PCDH9: variants seen among roughly 807,000 people sequenced by gnomAD.
The protein encoded by PCDH9 is protocadherin-9.
PCDH9 carries 24 observed loss-of-function variants against 70.6 expected under a neutral mutation model. The observed-to-expected ratio is 0.34, with a 90% CI of 0.25 to 0.48. The LOEUF is 0.48. Ranked by LOEUF, PCDH9 falls within the 20% of genes least tolerant of loss-of-function variation. The pLI is 0.99. For missense variants in PCDH9, 1,281 were observed against 1,503.6 expected, an observed-to-expected ratio of 0.85 and a Z score of 2.45; for synonymous variants, 562 against 558.5, an observed-to-expected ratio of 1.01 and a Z score of -0.09.
intron 2 of PCDH9, among the ~76,000 whole-genome samples, chr13:67,184,686 G>A (rs952721866): frequency 1.3e-5 from 2 of 152,112 alleles, no homozygotes; most frequent in Admixed American, 6.5e-5. Context: ...AGCTGAGATC[G>A]CACCACTGCA....
At chr13:67,198,550 G>A (rs1299800260) in intron 2 of PCDH9, among the ~76,000 whole-genome samples, 1 of 151,762 alleles carries the variant, frequency 6.6e-6, no homozygotes, top group African/African-American at 2.4e-5. Context: ...GCTAAGTGTG[G>A]CATGTGAAAC....
chr13:67,103,728 T>C (rs913069909), intron 2 of PCDH9, among the ~76,000 whole-genome samples: 11 of 152,224 alleles, frequency 7.2e-5, no homozygotes, highest in East Asian at 1.9e-4. Flanking sequence ...ACTTAGCTTG[T>C]ACTCACAGAA....
chr13:66,945,587 A>G (rs973637937), intron 2 of PCDH9, among the ~76,000 whole-genome samples: 1 of 152,198 alleles, frequency 6.6e-6, no homozygotes, highest in Non-Finnish European at 1.5e-5. Flanking sequence ...ATAAAATGTA[A>G]CCATGTTCTA....
chr13:67,110,607 G>C (rs2086641030), intron 2 of PCDH9, among the ~76,000 whole-genome samples: 2 of 151,336 alleles, frequency 1.3e-5, no homozygotes, highest in South Asian at 4.2e-4. Context: ...AATGGTGGAT[G>C]ATTATCAAAG....
chr13:66,672,841 A>G (rs966721156), intron 3 of PCDH9, among the ~76,000 whole-genome samples: 2 of 151,890 alleles, frequency 1.3e-5, no homozygotes, highest in African/African-American at 2.4e-5. Context: ...ATTTTGGCCA[A>G]TCTCTCCCAT....
intron 2 of PCDH9, among the ~76,000 whole-genome samples, chr13:67,167,654 C>T (rs750533631): frequency 5.9e-5 from 9 of 152,046 alleles, no homozygotes; most frequent in African/African-American, 9.7e-5. Flanking sequence ...GGACTGAGGC[C>T]CAGTGTCAGC....
intron 2 of PCDH9, among the ~76,000 whole-genome samples, chr13:67,085,629 G>C (rs1234864775): frequency 1.3e-5 from 2 of 152,182 alleles, no homozygotes; most frequent in Non-Finnish European, 2.9e-5. Flanking sequence ...TTCTCAAACA[G>C]AGAGAGACAA....
chr13:66,524,923 G>A (rs1309748052), intron 4 of PCDH9, among the ~76,000 whole-genome samples: 1 of 151,924 alleles, frequency 6.6e-6, no homozygotes, highest in African/African-American at 2.4e-5. Context: ...AATATATCTT[G>A]CAACTTTCCA....
At chr13:67,057,863 C>T (rs1337367390) in intron 2 of PCDH9, among the ~76,000 whole-genome samples, 10 of 152,056 alleles carry the variant, frequency 6.6e-5, no homozygotes, top group Admixed American at 5.9e-4. Context: ...GGTGTTCTTC[C>T]TTTCCTTTTT....
At chr13:66,342,006 C>A (rs1956135162) in intron 4 of PCDH9, among the ~76,000 whole-genome samples, 1 of 152,180 alleles carries the variant, frequency 6.6e-6, no homozygotes. Context: ...AGTCTTGCCT[C>A]TTCTGCTGTG....
At chr13:66,643,388 C>G (rs1009966602) in intron 3 of PCDH9, among the ~76,000 whole-genome samples, 1 of 151,932 alleles carries the variant, frequency 6.6e-6, no homozygotes, top group Non-Finnish European at 1.5e-5. Context: ...GTCGAAGTAG[C>G]TGGACTTCAT....
intron 2 of PCDH9, among the ~76,000 whole-genome samples, chr13:66,989,650 AACTAACG>A (rs1050177629): frequency 1.3e-5 from 2 of 151,876 alleles, no homozygotes; most frequent in Non-Finnish European, 2.9e-5. Flanking sequence ...ATGAATAATG[AACTAACG>A]ATCCTGTGTA....
chr13:66,823,319 T>A (rs560049100), intron 3 of PCDH9, among the ~76,000 whole-genome samples: 1 of 152,028 alleles, frequency 6.6e-6, no homozygotes. Flanking sequence ...ATATAATGTA[T>A]CTAATAAAGG....
At chr13:66,663,837 A>G (rs1025666877) in intron 3 of PCDH9, among the ~76,000 whole-genome samples, 3 of 152,168 alleles carry the variant, frequency 2.0e-5, no homozygotes, top group African/African-American at 7.2e-5. Flanking sequence ...ATAGAGCCTG[A>G]TCTAAAATGA....
At chr13:66,831,064 C>G (rs1373578323) in intron 3 of PCDH9, among the ~76,000 whole-genome samples, 1 of 152,078 alleles carries the variant, frequency 6.6e-6, no homozygotes, top group East Asian at 1.9e-4. Flanking sequence ...CATACAGACT[C>G]TAGGAGGTTT....
At position 66,778,656 on chromosome 13, in the gene PCDH9, C is replaced by G. The variant is rs116313303; in HGVS notation, c.3138+124848G>C. Among the ~76,000 whole-genome samples, 447 of 152,322 alleles carry G rather than the reference C, an allele frequency of 2.9e-3. 4 individuals are homozygous for G. Among genetic ancestry groups the G allele is most frequent in the African/African-American group, 9.7e-3 (405 of 41,580 alleles). On this transcript the variant is annotated intron_variant, in intron 3 of 4. Transcript: ENST00000377865. ...GATATTGTTTACTATGTGCCTGACA[C>G]TTTGACAAATGCTCTAAAATATTAT...
intron 4 of PCDH9, among the ~76,000 whole-genome samples, chr13:66,617,983 T>C (rs113558566): frequency 0.012 from 1,822 of 152,210 alleles, 34 homozygotes; most frequent in African/African-American, 0.041. Flanking sequence ...GGGGAAACTC[T>C]AGCCAGCCTG....
At chr13:66,788,617 A>G (rs1332716638) in intron 3 of PCDH9, among the ~76,000 whole-genome samples, 1 of 144,160 alleles carries the variant, frequency 6.9e-6, no homozygotes, top group Non-Finnish European at 1.5e-5. Flanking sequence ...ACTTCAGTCT[A>G]TCATCTCCCA....
intron 2 of PCDH9, among the ~76,000 whole-genome samples, chr13:67,004,791 C>T (rs1344283544): frequency 1.3e-5 from 2 of 151,916 alleles, no homozygotes; most frequent in Non-Finnish European, 2.9e-5. Flanking sequence ...GAAATAGTAT[C>T]AAATTTATGG....
Sources: gnomAD v4.1 joint callset for allele counts (sites outside exome capture counted in the v4.1 genomes callset) on GRCh38, gnomAD v4.1.1 for gene constraint, MANE v1.5 for transcripts, NCBI Gene and HGNC (gene_info 2026-07-23, HGNC 2026-07-21) for gene names.